SPOCK1: variants seen among roughly 807,000 people sequenced by gnomAD.
SPOCK1 encodes the protein SPARC (osteonectin), cwcv and kazal like domains proteoglycan 1, also known as testican-1.
SPOCK1 carries 23 observed loss-of-function variants against 55.3 expected under a neutral mutation model. The observed-to-expected ratio is 0.42, with a 90% CI of 0.30 to 0.59. The LOEUF (loss-of-function observed/expected upper bound fraction) is 0.59, where lower values mean the gene tolerates loss of function less well. Among genes scored for constraint, SPOCK1 ranks in the 20% least tolerant of loss-of-function variants. The pLI, the probability that SPOCK1 is intolerant of heterozygous loss-of-function variation, is 0.22. For missense variants in SPOCK1, 499 were observed against 552.5 expected (o/e 0.90, Z 0.97); for synonymous variants, 226 against 221.0 (o/e 1.02, Z -0.20).
At chr5:137,476,039 T>G (rs1753831657) in intron 2 of SPOCK1, among the ~76,000 whole-genome samples, 1 of 151,980 alleles carries the variant, frequency 6.6e-6, no homozygotes. Flanking sequence ...TATAGGTTTT[T>G]TTTTTTTTAA....
At chr5:137,370,439 G>A (rs542713484) in intron 2 of SPOCK1, among the ~76,000 whole-genome samples, 4 of 152,286 alleles carry the variant, frequency 2.6e-5, no homozygotes, top group East Asian at 1.9e-4. Flanking sequence ...AAGAGGTGAG[G>A]AATAAACCTT....
At chr5:137,304,243 A>G (rs146937769) in intron 2 of SPOCK1, among the ~76,000 whole-genome samples, 16 of 152,202 alleles carry the variant, frequency 1.1e-4, no homozygotes, top group Non-Finnish European at 2.2e-4. Context: ...AAAGGCTTGA[A>G]CCCACATGTA....
chr5:137,480,065 A>G (rs1203076705), intron 2 of SPOCK1, among the ~76,000 whole-genome samples: 3 of 152,232 alleles, frequency 2.0e-5, no homozygotes, highest in Admixed American at 6.5e-5. Flanking sequence ...ATCTGATGTA[A>G]GATGGAAGTT....
intron 5 of SPOCK1, among the ~76,000 whole-genome samples, chr5:137,084,743 A>G (rs763402336): frequency 2.1e-4 from 32 of 152,062 alleles, no homozygotes; most frequent in Non-Finnish European, 3.8e-4. Context: ...AAGAAAAGAG[A>G]AGAGAAAAGA....
intron 6 of SPOCK1, among the ~76,000 whole-genome samples, chr5:137,044,889 C>T (rs1211805741): frequency 4.9e-5 from 7 of 144,302 alleles, no homozygotes; most frequent in African/African-American, 1.0e-4. Flanking sequence ...TGAGAATATG[C>T]GGTGTTTGGT....
intron 2 of SPOCK1, among the ~76,000 whole-genome samples, chr5:137,353,933 C>G (rs1431845217): frequency 2.6e-5 from 4 of 152,298 alleles, no homozygotes; most frequent in East Asian, 1.9e-4. Context: ...CACCACATGA[C>G]AAAGCTAAAC....
At chr5:137,126,258 T>C (rs1753780832) in intron 4 of SPOCK1, among the ~76,000 whole-genome samples, 1 of 152,216 alleles carries the variant, frequency 6.6e-6, no homozygotes, top group African/African-American at 2.4e-5. Flanking sequence ...CCTCTTTGCC[T>C]TCCACCATGA....
intron 3 of SPOCK1, among the ~76,000 whole-genome samples, chr5:137,176,195 T>C (rs1386260762): frequency 6.6e-6 from 1 of 152,190 alleles, no homozygotes; most frequent in African/African-American, 2.4e-5. Flanking sequence ...CACAGTGATG[T>C]TTTATTTGTC....
intron 3 of SPOCK1, among the ~76,000 whole-genome samples, chr5:137,203,625 T>C (rs1275275056): frequency 1.3e-5 from 2 of 152,212 alleles, no homozygotes; most frequent in African/African-American, 4.8e-5. Flanking sequence ...ATGTGTGCTT[T>C]AGCTAAATGA....
chr5:137,176,791 T>C (rs1415068990), intron 3 of SPOCK1, among the ~76,000 whole-genome samples: 3 of 152,114 alleles, frequency 2.0e-5, no homozygotes, highest in Non-Finnish European at 2.9e-5. Flanking sequence ...TAATAAGCGG[T>C]ATCTAGTTGA....
At chr5:137,175,112 C>A (rs566214017) in intron 3 of SPOCK1, among the ~76,000 whole-genome samples, 1 of 152,210 alleles carries the variant, frequency 6.6e-6, no homozygotes, top group South Asian at 2.1e-4. Context: ...TGTCACAAGA[C>A]AGAAAAATGA....
intron 6 of SPOCK1, among the ~76,000 whole-genome samples, chr5:136,996,961 C>T (rs1418329115): frequency 6.6e-6 from 1 of 152,162 alleles, no homozygotes; most frequent in Non-Finnish European, 1.5e-5. Flanking sequence ...TGGGTCTGTG[C>T]CATCTTTAAG....
At chr5:136,992,849 A>T (rs1368189701) in intron 6 of SPOCK1, 1 of 375,704 alleles carries the variant, frequency 2.7e-6, no homozygotes, top group African/African-American at 2.1e-5. Flanking sequence ...GTGCTGTGAA[A>T]GCAAGCTGCA....
At chr5:137,241,772 T>C (rs1381072270) in intron 3 of SPOCK1, among the ~76,000 whole-genome samples, 11 of 152,212 alleles carry the variant, frequency 7.2e-5, no homozygotes, top group Non-Finnish European at 4.4e-5. Context: ...TAAATTTCTC[T>C]TCATTATATA....
intron 5 of SPOCK1, among the ~76,000 whole-genome samples, chr5:137,095,808 G>A (rs574794975): frequency 6.3e-4 from 96 of 152,336 alleles, no homozygotes; most frequent in African/African-American, 2.1e-3. Context: ...ACTGTTCTGA[G>A]TGACTGAAAT....
chr5:137,378,842 T>C (rs1264876006), intron 2 of SPOCK1, among the ~76,000 whole-genome samples: 1 of 151,884 alleles, frequency 6.6e-6, no homozygotes, highest in African/African-American at 2.4e-5. Context: ...TGTCAGTAGC[T>C]AGAGAGAGAG....
intron 2 of SPOCK1, among the ~76,000 whole-genome samples, chr5:137,401,877 C>T (rs1751991151): frequency 6.6e-6 from 1 of 152,186 alleles, no homozygotes; most frequent in Non-Finnish European, 1.5e-5. Context: ...CCTTCTCTCT[C>T]ACCCACCTCT....
intron 2 of SPOCK1, among the ~76,000 whole-genome samples, chr5:137,295,711 A>G (rs570827318): frequency 1.2e-5 from 1 of 85,800 alleles, no homozygotes. Context: ...TTTAGTTAAT[A>G]CATTTTTACT....
chr5:137,003,325 G>A (rs1327930169), intron 6 of SPOCK1, among the ~76,000 whole-genome samples: 3 of 152,138 alleles, frequency 2.0e-5, no homozygotes, highest in East Asian at 3.9e-4. Context: ...CTTGAACCTG[G>A]GAGGTGAAGG....
Sources: gnomAD v4.1 joint callset for allele counts (sites outside exome capture counted in the v4.1 genomes callset) on GRCh38, gnomAD v4.1.1 for gene constraint, MANE v1.5 for transcripts, NCBI Gene and HGNC (gene_info 2026-07-23, HGNC 2026-07-21) for gene names.